Variants in PCDHGA4 observed in about 807,000 individuals in gnomAD.
PCDHGA4 encodes protocadherin gamma subfamily A, 4.
Under a neutral mutation model 54.6 loss-of-function variants are expected in PCDHGA4, and 38 were observed. That is an observed-to-expected ratio of 0.70 (90% CI 0.54 to 0.91). The LOEUF (loss-of-function observed/expected upper bound fraction) is 0.91, where lower values mean the gene tolerates loss of function less well. Ranked by LOEUF, PCDHGA4 falls within the 40% of genes least tolerant of loss-of-function variation. PCDHGA4 has a pLI of 0.00. For missense variants in PCDHGA4, 1,298 were observed against 1,220.9 expected, an observed-to-expected ratio of 1.06 and a Z score of -0.94; for synonymous variants, 511 against 512.9, an observed-to-expected ratio of 1.00 and a Z score of 0.05.
At chr5:141,473,189 A>G (rs1049891105) in intron 1 of PCDHGA4, among the ~76,000 whole-genome samples, 2 of 152,198 alleles carry the variant, frequency 1.3e-5, no homozygotes, top group Admixed American at 6.5e-5. Flanking sequence ...GAAGGAGTAA[A>G]TGTATCTTCT....
At chr5:141,385,330 C>A (rs1183163204) in intron 1 of PCDHGA4, 1 of 1,583,780 alleles carries the variant, frequency 6.3e-7, no homozygotes, top group East Asian at 2.2e-5. Flanking sequence ...TCAGGTGAGC[C>A]CAGCCCTTCC....
chr5:141,394,317 T>C, intron 1 of PCDHGA4: 1 of 1,613,972 alleles, frequency 6.2e-7, no homozygotes, highest in Non-Finnish European at 8.5e-7. Flanking sequence ...GGCGCCCCTG[T>C]CCTCGTATAT....
intron 1 of PCDHGA4, chr5:141,475,983 C>A: frequency 9.5e-7 from 1 of 1,049,244 alleles, no homozygotes; most frequent in Non-Finnish European, 1.4e-6. Context: ...GAACAGCCGG[C>A]GAGCAAATCA....
At chr5:141,396,729 T>C (rs1197764011) in intron 1 of PCDHGA4, 1 of 152,214 alleles carries the variant, frequency 6.6e-6, no homozygotes, top group Non-Finnish European at 1.5e-5. Flanking sequence ...CCTGAATTGA[T>C]TGTTGTAAGG....
At position 141,489,180 on chromosome 5, in the gene PCDHGA4, C is replaced by G. The variant is rs942218118; in HGVS notation, c.2515-5627C>G. On this transcript the variant is annotated intron_variant, in intron 1 of 3. Transcript: ENST00000571252. This position sits in a 1 kb window ranked among gnomAD's most constrained non-coding sequence, Gnocchi z 4.5. ...GACTTCAGCTGCTGCATTCCAAGCC[C>G]TGGGTCTACCTTGGAGACAGGACAG... The G allele has an allele frequency of 1.8e-5, 23 of 1,259,630 alleles. No homozygotes were observed. In the South Asian group the frequency reaches 3.0e-4, roughly 17 times the overall value. The allele number at this position is 1,259,630 out of a possible 1,614,324, so 78.0% of individuals were successfully genotyped here.
chr5:141,376,233 A>G lies in PCDHGA4; in HGVS notation c.2514+18612A>G, dbSNP rs2159258. 2.7e-3 allele frequency: 4,327 copies of G among 1,614,166 alleles called. 84 individuals carry two copies. In the African/African-American group the frequency reaches 0.046, roughly 17 times the overall value. Reference sequence around the variant, plus strand: ...ATCGTGCTGCTGGCGCTCAGACTGCAGCGCTGGCACAAGTCACGCCTGCTG... The same window carrying G: ...ATCGTGCTGCTGGCGCTCAGACTGCGGCGCTGGCACAAGTCACGCCTGCTG... On this transcript the variant is annotated intron_variant, in intron 1 of 3. Coordinates refer to ENST00000571252, the MANE Select transcript of PCDHGA4 (RefSeq NM_018917.4).
chr5:141,414,152 A>T, intron 1 of PCDHGA4: 1 of 1,600,994 alleles, frequency 6.2e-7, no homozygotes, highest in Non-Finnish European at 8.5e-7. Flanking sequence ...ATACAAGCAG[A>T]AGATGGAGGA....
At chr5:141,443,344 G>T (rs1016738767) in intron 1 of PCDHGA4, among the ~76,000 whole-genome samples, 2 of 151,966 alleles carry the variant, frequency 1.3e-5, no homozygotes, top group African/African-American at 2.4e-5. Context: ...AATTAACAAG[G>T]TTTAGTGGTC....
At chr5:141,427,922 G>T (rs949317839) in intron 1 of PCDHGA4, 2 of 1,580,624 alleles carry the variant, frequency 1.3e-6, no homozygotes, top group African/African-American at 1.3e-5. Context: ...ACATGAGCCG[G>T]CGCATGTTGG....
At chr5:141,464,024 G>A (rs2099074308) in intron 1 of PCDHGA4, among the ~76,000 whole-genome samples, 1 of 151,996 alleles carries the variant, frequency 6.6e-6, no homozygotes, top group East Asian at 1.9e-4. Context: ...CCACACTTTG[G>A]GAGGCCAAGG....
chr5:141,398,686 G>T (rs2093688431), intron 1 of PCDHGA4: 6 of 1,613,920 alleles, frequency 3.7e-6, no homozygotes, highest in Non-Finnish European at 5.1e-6. Context: ...GGAGAAACAG[G>T]ATGGTAGTAA....
At position 141,404,686 on chromosome 5, in the gene PCDHGA4, A is replaced by G. The variant is rs1281158377; in HGVS notation, c.2514+47065A>G. On this transcript the variant is annotated intron_variant, in intron 1 of 3. Transcript: ENST00000571252. ...ATGGTTCTACTGGTGTGGAGCTGGC[A>G]CCCCGCTCTGCAGAGCCTGGCTACC... 4 of 1,613,710 alleles carry G rather than the reference A, an allele frequency of 2.5e-6. No individual in the cohort carries two copies. In the African/African-American group the frequency reaches 5.3e-5, roughly 22 times the overall value.
At chr5:141,375,093 T>A (rs1394979484) in intron 1 of PCDHGA4, 1 of 1,613,962 alleles carries the variant, frequency 6.2e-7, no homozygotes, top group South Asian at 1.1e-5. Context: ...TTAATAACTA[T>A]CTTGGATGTC....
Position 141,487,544 on chromosome 5 carries a change from C to A in PCDHGA4, c.2515-7263C>A. 1 of 1,614,190 alleles carries A rather than the reference C, an allele frequency of 6.2e-7. No homozygotes were observed. The highest frequency in any genetic ancestry group is 1.1e-5 in the South Asian group (1 of 91,088). On this transcript the variant is annotated intron_variant, in intron 1 of 3. Transcript: ENST00000571252. This position sits in a 1 kb window ranked among gnomAD's most constrained non-coding sequence, Gnocchi z 5.0. ...TGATAGCTTCATGATGGTGAAGTCA[C>A]CCAGTGCACCTATGGCAGGGGAGCC... is the stretch of plus-strand genomic sequence containing the variant.
chr5:141,409,748 G>A (rs2095311209), intron 1 of PCDHGA4: 1 of 1,613,018 alleles, frequency 6.2e-7, no homozygotes, highest in Non-Finnish European at 8.5e-7. Context: ...GGTGGTGTTC[G>A]CGCAGCGCGC....
intron 1 of PCDHGA4, among the ~76,000 whole-genome samples, chr5:141,481,710 T>C (rs1447483213): frequency 6.6e-6 from 1 of 151,556 alleles, no homozygotes; most frequent in Non-Finnish European, 1.5e-5. Context: ...TCCCAGCACT[T>C]TGGGAGGCGG....
chr5:141,372,158 G>C, intron 1 of PCDHGA4: 2 of 1,613,800 alleles, frequency 1.2e-6, no homozygotes, highest in Non-Finnish European at 1.7e-6. Context: ...GCTACCTGGT[G>C]ACCAAGGTGG....
At chr5:141,456,837 C>G (rs550771859) in intron 1 of PCDHGA4, among the ~76,000 whole-genome samples, 70 of 152,194 alleles carry the variant, frequency 4.6e-4, no homozygotes, top group Non-Finnish European at 8.2e-4. Context: ...GTAGTGGGCG[C>G]CTGTAATCCC....
chr5:141,393,555 C>G, intron 1 of PCDHGA4: 6 of 1,613,928 alleles, frequency 3.7e-6, no homozygotes, highest in Non-Finnish European at 5.1e-6. Flanking sequence ...CCCGATTTAC[C>G]GAGTGAAAGT....
Sources: gnomAD v4.1 joint callset for allele counts (sites outside exome capture counted in the v4.1 genomes callset) on GRCh38, gnomAD v4.1.1 for gene constraint, Gnocchi (gnomAD v3.1) non-coding constraint, MANE v1.5 for transcripts, NCBI Gene and HGNC (gene_info 2026-07-23, HGNC 2026-07-21) for gene names.